Variants in PTPRS observed in about 807,000 individuals in gnomAD.
PTPRS encodes the protein protein tyrosine phosphatase receptor type S, also known as receptor-type tyrosine-protein phosphatase S.
PTPRS carries 63 observed loss-of-function variants against 215.3 expected under a neutral mutation model. The ratio of observed to expected loss-of-function variants is 0.29; its 90% CI spans 0.24 to 0.36. PTPRS has a LOEUF of 0.36. Ranked by LOEUF, PTPRS falls within the 10% of genes least tolerant of loss-of-function variation. The pLI is 1.00. For synonymous variants in PTPRS, 1,404 were observed against 1,191.4 expected (o/e 1.18, Z -3.68); for missense variants, 2,258 against 2,825.8 (o/e 0.80, Z 4.56).
chr19:5,332,531 G>GC (rs1225395660), intron 1 of PTPRS, among the ~76,000 whole-genome samples: 1 of 152,190 alleles, frequency 6.6e-6, no homozygotes, highest in Non-Finnish European at 1.5e-5. Context: ...GGTTGAAGAA[G>GC]CCTTTTTGGC....
Position 5,210,935 on chromosome 19 carries a change from T to C in PTPRS, c.5235-130A>G, listed in dbSNP as rs2040818624. ...CTACCACCCCACTGCCTGCCAGGAATGGCTGCTGGGTGCACCACTTCCCCT... is the reference window on the plus strand; with the variant it reads ...CTACCACCCCACTGCCTGCCAGGAACGGCTGCTGGGTGCACCACTTCCCCT... On this transcript the variant is annotated intron_variant, in intron 33 of 37. Transcript: ENST00000262963. This position sits in a 1 kb window ranked among gnomAD's most constrained non-coding sequence, Gnocchi z 4.5. The C allele has an allele frequency of 1.5e-6, 2 of 1,295,910 alleles. No homozygotes were observed. Among genetic ancestry groups the C allele is most frequent in the Non-Finnish European group, 2.1e-6 (2 of 963,100 alleles). The allele number at this position is 1,295,910 out of a possible 1,614,324, so 80.3% of individuals were successfully genotyped here.
Position 5,210,994 on chromosome 19 carries a change from C to T in PTPRS, c.5235-189G>A, listed in dbSNP as rs146117763. 1.3e-3 allele frequency among the ~76,000 whole-genome samples: 193 copies of T among 152,340 alleles called. 1 individual carries two copies. Among genetic ancestry groups the T allele is most frequent in the Admixed American group, 2.5e-3 (39 of 15,298 alleles). ...TCCCATTTTGCATGTGGGGAAACCA[C>T]CAGTCTCATGACAAATTCAAATCCC... On this transcript the variant is annotated intron_variant, in intron 33 of 37. Coordinates refer to ENST00000262963, the MANE Select transcript of PTPRS (RefSeq NM_002850.4). The surrounding 1 kb of genome is among the most constrained non-coding windows in gnomAD (Gnocchi z 4.5).
Position 5,320,198 on chromosome 19 carries a change from C to T in PTPRS, c.-95+20466G>A, listed in dbSNP as rs1197192297. ...CAGGCCCCTGCCCTCTGCCATCCGG[C>T]GGCTCAACACCTGTTGTGACACAGC... On this transcript the variant is annotated intron_variant, in intron 1 of 37. Coordinates refer to ENST00000262963, the MANE Select transcript of PTPRS (RefSeq NM_002850.4). Among the ~76,000 whole-genome samples, 3 of 152,192 alleles carry T rather than the reference C, an allele frequency of 2.0e-5. No homozygotes were observed. In the East Asian group the frequency reaches 5.8e-4, roughly 29 times the overall value.
chr19:5,263,610 G>A (rs536048100), intron 5 of PTPRS, among the ~76,000 whole-genome samples: 19 of 152,312 alleles, frequency 1.2e-4, no homozygotes, highest in African/African-American at 4.3e-4. Context: ...CGTCAAGCCC[G>A]GCACAACTGA....
Position 5,229,390 on chromosome 19 carries a change from G to C in PTPRS, c.2350-48C>G, listed in dbSNP as rs772762390. The C allele has an allele frequency of 6.6e-6, 9 of 1,364,396 alleles. No homozygotes were observed. The Admixed American group carries it at 1.4e-4, about 21-fold the overall frequency. The allele number at this position is 1,364,396 out of a possible 1,614,324, so 84.5% of individuals were successfully genotyped here. ...GGGGAGAGAGGAGGAAGGTGAGCGG[G>C]GGAGGCCAGAGATGGAGAAAGAGAA... On this transcript the variant is annotated intron_variant, in intron 15 of 37. Transcript: ENST00000262963.
intron 2 of PTPRS, among the ~76,000 whole-genome samples, chr19:5,276,692 C>A (rs1309882795): frequency 6.6e-6 from 1 of 151,416 alleles, no homozygotes; most frequent in Non-Finnish European, 1.5e-5. Flanking sequence ...AGATGCCCGC[C>A]ACCATGCCCA....
chr19:5,306,722 G>A (rs2049506997), intron 1 of PTPRS, among the ~76,000 whole-genome samples: 1 of 152,100 alleles, frequency 6.6e-6, no homozygotes, highest in African/African-American at 2.4e-5. Flanking sequence ...TCTCACTGGT[G>A]TCCAGTGAAG....
chr19:5,229,908 C>G (rs900010807), intron 14 of PTPRS, among the ~76,000 whole-genome samples: 7 of 151,746 alleles, frequency 4.6e-5, no homozygotes, highest in Non-Finnish European at 1.0e-4. Context: ...CCAGGCTGCC[C>G]CCCCCCGAGT....
chr19:5,211,048 CCT>C (rs1279664025), intron 33 of PTPRS, among the ~76,000 whole-genome samples: 2 of 152,238 alleles, frequency 1.3e-5, no homozygotes, highest in South Asian at 2.1e-4. Flanking sequence ...TATCCACTAA[CCT>C]CTCCTGATTT....
At position 5,236,522 on chromosome 19, in the gene PTPRS, G is replaced by A. The variant is rs117760621; in HGVS notation, c.1849+2397C>T. Among the ~76,000 whole-genome samples, 37 of 152,330 alleles carry A rather than the reference G, an allele frequency of 2.4e-4. No homozygotes were observed. In the East Asian group the frequency reaches 6.4e-3, roughly 26 times the overall value. Reference sequence around the variant, plus strand: ...CCCAGAGAGATTACTGGCCTTGCTCGTGGCAAGAGCATTAGAAACCCTCAC... The same window carrying A: ...CCCAGAGAGATTACTGGCCTTGCTCATGGCAAGAGCATTAGAAACCCTCAC... On this transcript the variant is annotated intron_variant, in intron 13 of 37. Coordinates refer to ENST00000262963, the MANE Select transcript of PTPRS (RefSeq NM_002850.4).
intron 1 of PTPRS, among the ~76,000 whole-genome samples, chr19:5,304,979 C>T (rs534396494): frequency 6.6e-6 from 1 of 151,840 alleles, no homozygotes; most frequent in Admixed American, 6.6e-5. Flanking sequence ...CAGAACTTCC[C>T]ACTACCCCCC....
intron 1 of PTPRS, among the ~76,000 whole-genome samples, chr19:5,320,504 A>G (rs1163229557): frequency 2.6e-5 from 4 of 152,104 alleles, no homozygotes; most frequent in Non-Finnish European, 5.9e-5. Flanking sequence ...ATCTTGGCTC[A>G]CTGCAAACTC....
At chr19:5,229,435 A>G in intron 15 of PTPRS, 56 bp downstream of exon 15, 1 of 1,365,634 alleles carries the variant, frequency 7.3e-7, no homozygotes, top group East Asian at 3.1e-5. Context: ...GGGGGAGCGC[A>G]AGGGCCCGTC....
At chr19:5,319,975 A>G (rs1275059362) in intron 1 of PTPRS, among the ~76,000 whole-genome samples, 1 of 152,076 alleles carries the variant, frequency 6.6e-6, no homozygotes, top group Non-Finnish European at 1.5e-5. Context: ...TGATCCACAA[A>G]GCCATCCCCT....
chr19:5,273,015 T>G, intron 4 of PTPRS: 1 of 218,088 alleles, frequency 4.6e-6, no homozygotes, highest in South Asian at 6.9e-5. Context: ...ACTAAGGATA[T>G]CATCAATACA....
intron 1 of PTPRS, among the ~76,000 whole-genome samples, chr19:5,340,402 G>GC (rs979769691): frequency 3.3e-5 from 5 of 149,446 alleles, no homozygotes; most frequent in African/African-American, 9.8e-5. Context: ...CGCGGACGAA[G>GC]CCCCCCCAGC....
In PTPRS at chr19:5,319,302, T is replaced by C. The variant is rs550947254; in HGVS notation, c.-95+21362A>G. Among the ~76,000 whole-genome samples, 7 of 152,130 alleles carry C rather than the reference T, an allele frequency of 4.6e-5. No individual in the cohort carries two copies. In the East Asian group the frequency reaches 1.4e-3, roughly 29 times the overall value. On this transcript the variant is annotated intron_variant, in intron 1 of 37. Transcript: ENST00000262963. ...GGTGTGCGCCTGTAGTTCCAGCTAC[T>C]TGGGAGGCTGAGGTAGAAGGATCAC... is the stretch of plus-strand genomic sequence containing the variant.
chr19:5,276,838 G>A (rs4807705), intron 2 of PTPRS, among the ~76,000 whole-genome samples: 1 of 152,082 alleles, frequency 6.6e-6, no homozygotes, highest in East Asian at 1.9e-4. Flanking sequence ...CACCAGGCAG[G>A]TGAGTATGCC....
chr19:5,256,136 G>A lies in PTPRS; in HGVS notation c.707-17C>T, dbSNP rs746038708. On this transcript the variant is annotated splice_polypyrimidine_tract_variant and intron_variant, in intron 8 of 37. Transcript: ENST00000262963. ...CTCGAAGCTCTGAGGGATGTAAAGG[G>A]GGTTTGATGCAGAACACAATGACAT... The A allele has an allele frequency of 2.6e-6, 4 of 1,521,604 alleles. No homozygotes were observed. Among genetic ancestry groups the A allele is most frequent in the Non-Finnish European group, 3.6e-6 (4 of 1,099,778 alleles). 94.3% of individuals were successfully genotyped at this position (1,521,604 alleles called of 1,614,324 possible). A position where few individuals can be genotyped will look rare whatever the true frequency, so the allele number is the denominator to read the frequency against.
Sources: allele counts gnomAD v4.1 joint callset (sites outside exome capture counted in the v4.1 genomes callset), GRCh38; gene constraint gnomAD v4.1.1; non-coding constraint Gnocchi (gnomAD v3.1); transcripts MANE v1.5; gene names NCBI Gene and HGNC (gene_info 2026-07-23, HGNC 2026-07-21).